Variants in KIRREL3 observed in about 807,000 individuals in gnomAD.
The protein encoded by KIRREL3 is kin of IRRE-like protein 3.
In KIRREL3, 36 loss-of-function variants were observed where a neutral mutation model predicts 89.7. The ratio of observed to expected loss-of-function variants is 0.40; its 90% CI spans 0.31 to 0.53. The LOEUF is 0.53. KIRREL3 is among the 20% of genes least tolerant of loss of function. The pLI, the probability that KIRREL3 is intolerant of heterozygous loss-of-function variation, is 0.49. For missense variants in KIRREL3, 864 were observed against 1,056.6 expected, an observed-to-expected ratio of 0.82 and a Z score of 2.53; for synonymous variants, 445 against 441.4, an observed-to-expected ratio of 1.01 and a Z score of -0.10.
rs141740144 is a variant in KIRREL3, at chr11:126,666,821, T to C, written c.56-103909A>G. Among the ~76,000 whole-genome samples the C allele has an allele frequency of 2.5e-3, 387 of 152,346 alleles. 4 individuals carry two copies. Among genetic ancestry groups the C allele is most frequent in the African/African-American group, 8.8e-3 (365 of 41,584 alleles). ...GTCACTGAGTTTCTCTGTTGATCAA[T>C]CACCATTGCTGGTACAGGTATATTC... is the stretch of plus-strand genomic sequence containing the variant. On this transcript the variant is annotated intron_variant, in intron 1 of 16. Transcript: ENST00000525144. The surrounding 1 kb of genome is among the most constrained non-coding windows in gnomAD (Gnocchi z 4.2).
rs976643967 is a variant in KIRREL3 at position 126,541,674 on chromosome 11, C to G, written c.134-14987G>C. Reference sequence around the variant, plus strand: ...CTGGGATAGTGGCTCTGAGCTGGGTCAAGGAATCTGCATTTTAATAGCTTC... The same window carrying G: ...CTGGGATAGTGGCTCTGAGCTGGGTGAAGGAATCTGCATTTTAATAGCTTC... On this transcript the variant is annotated intron_variant, in intron 2 of 16. Coordinates refer to ENST00000525144, the MANE Select transcript of KIRREL3 (RefSeq NM_032531.4). This position sits in a 1 kb window ranked among gnomAD's most constrained non-coding sequence, Gnocchi z 4.8. Among the ~76,000 whole-genome samples, 1 of 152,172 alleles carries G rather than the reference C, an allele frequency of 6.6e-6. No homozygotes were observed. Among genetic ancestry groups the G allele is most frequent in the African/African-American group, 2.4e-5 (1 of 41,438 alleles).
intron 1 of KIRREL3, among the ~76,000 whole-genome samples, chr11:126,850,522 C>T (rs1944306206): frequency 6.6e-6 from 1 of 152,188 alleles, no homozygotes; most frequent in African/African-American, 2.4e-5. Context: ...CTCCTCTATC[C>T]AAACTGCTGC....
chr11:126,585,870 A>C (rs1275350421), intron 1 of KIRREL3, among the ~76,000 whole-genome samples: 1 of 152,248 alleles, frequency 6.6e-6, no homozygotes, highest in East Asian at 1.9e-4. Flanking sequence ...CCCGCACGGA[A>C]CGTGATTGGA....
chr11:126,711,963 C>T (rs1191763085), intron 1 of KIRREL3, among the ~76,000 whole-genome samples: 1 of 152,222 alleles, frequency 6.6e-6, no homozygotes, highest in Non-Finnish European at 1.5e-5. Flanking sequence ...GGAAACGCCT[C>T]CTCTGGGGTC....
In KIRREL3 at chr11:126,427,859, GAGCAATGATGAGGCCTGA is replaced by G. The variant is rs1400706001; in HGVS notation, c.1806+1302_1806+1319del. Among the ~76,000 whole-genome samples, 5 of 152,216 alleles carry G rather than the reference GAGCAATGATGAGGCCTGA, an allele frequency of 3.3e-5. No individual in the cohort carries two copies. Among genetic ancestry groups the G allele is most frequent in the African/African-American group, 9.6e-5 (4 of 41,454 alleles). ...GGGAGGCTGCTGTAATCATCCAGGG[GAGCAATGATGAGGCCTGA>G]AGTAAAGAAGTGATGGTGGAGGACA... On this transcript the variant is annotated intron_variant, in intron 15 of 16. Coordinates refer to ENST00000525144, the MANE Select transcript of KIRREL3 (RefSeq NM_032531.4). This position sits in a 1 kb window ranked among gnomAD's most constrained non-coding sequence, Gnocchi z 5.3.
rs896495649 is a variant in KIRREL3, at chr11:126,441,947, T to A, written c.1253-1398A>T. ...TTTTAGGAACCGGATGGTGCTTTGT[T>A]TTATTGCTGGACTAAAACGTGATGA... On this transcript the variant is annotated intron_variant, in intron 10 of 16. Transcript: ENST00000525144. This position sits in a 1 kb window ranked among gnomAD's most constrained non-coding sequence, Gnocchi z 5.0. Among the ~76,000 whole-genome samples the A allele has an allele frequency of 9.2e-5, 14 of 152,162 alleles. No individual in the cohort carries two copies. Among genetic ancestry groups the A allele is most frequent in the Non-Finnish European group, 1.8e-4 (12 of 67,988 alleles).
chr11:126,806,576 C>T (rs555914063), intron 1 of KIRREL3, among the ~76,000 whole-genome samples: 1 of 152,284 alleles, frequency 6.6e-6, no homozygotes, highest in East Asian at 1.9e-4. Flanking sequence ...CCTAGTTGGA[C>T]CATGTGTTGG....
chr11:126,745,546 A>G (rs750400451), intron 1 of KIRREL3, among the ~76,000 whole-genome samples: 5 of 152,144 alleles, frequency 3.3e-5, no homozygotes, highest in Non-Finnish European at 7.4e-5. Context: ...TGGTTGCATT[A>G]CTGTGAATAC....
In KIRREL3 at chr11:126,707,246, C is replaced by CT. The variant is rs33983436; in HGVS notation, c.56-144335dup. Among the ~76,000 whole-genome samples, 162 of 112,560 alleles carry CT rather than the reference C, an allele frequency of 1.4e-3. 1 individual carries two copies. The highest frequency in any genetic ancestry group is 3.4e-3 in the African/African-American group (105 of 30,884). 73.8% of individuals were successfully genotyped at this position (112,560 alleles called of 152,430 possible). Reference sequence around the variant, plus strand: ...CAGACATAAGACACCTTGTCCATGGCTTTTTTTTTTTTTTTTTTGGCTTTT... The same window carrying CT: ...CAGACATAAGACACCTTGTCCATGGCTTTTTTTTTTTTTTTTTTTGGCTTTT... On this transcript the variant is annotated intron_variant, in intron 1 of 16. Coordinates refer to ENST00000525144, the MANE Select transcript of KIRREL3 (RefSeq NM_032531.4).
At chr11:126,658,074 C>T (rs1209829884) in intron 1 of KIRREL3, among the ~76,000 whole-genome samples, 1 of 152,184 alleles carries the variant, frequency 6.6e-6, no homozygotes, top group African/African-American at 2.4e-5. Flanking sequence ...TCGAGTTAGC[C>T]CCTCCTTCTC....
Position 126,561,834 on chromosome 11 carries a change from A to C in KIRREL3, c.133+1001T>G, listed in dbSNP as rs999110813. 1.3e-5 allele frequency among the ~76,000 whole-genome samples: 2 copies of C among 152,172 alleles called. No homozygotes were observed. The highest frequency in any genetic ancestry group is 1.5e-5 in the Non-Finnish European group (1 of 68,018). The stretch of plus-strand genomic sequence containing the variant: ...GCAAAGTCTCAGGCATGGGGAGCGC[A>C]TGGGGATGTGGTTGTCGTGGTCGGG... On this transcript the variant is annotated intron_variant, in intron 2 of 16. Coordinates refer to ENST00000525144, the MANE Select transcript of KIRREL3 (RefSeq NM_032531.4). The surrounding 1 kb of genome is among the most constrained non-coding windows in gnomAD (Gnocchi z 4.5).
chr11:126,735,357 A>T lies in KIRREL3; in HGVS notation c.56-172445T>A, dbSNP rs1948766782. ...CCCAGGTAAGCATCTCTGGGATCCTAGAACAACAGAGACCATTGCATGACC... is the reference window on the plus strand; with the variant it reads ...CCCAGGTAAGCATCTCTGGGATCCTTGAACAACAGAGACCATTGCATGACC... On this transcript the variant is annotated intron_variant, in intron 1 of 16. Coordinates refer to ENST00000525144, the MANE Select transcript of KIRREL3 (RefSeq NM_032531.4). Among the ~76,000 whole-genome samples, 4 of 152,332 alleles carry T rather than the reference A, an allele frequency of 2.6e-5. No homozygotes were observed. The South Asian group carries it at 8.3e-4, about 32-fold the overall frequency.
rs530943747 is a variant in KIRREL3 at position 126,456,286 on chromosome 11, A to C, written c.848+63T>G. The C allele has an allele frequency of 2.6e-5, 29 of 1,106,690 alleles. No individual in the cohort carries two copies. In the African/African-American group the frequency reaches 4.4e-4, roughly 17 times the overall value. 68.6% of individuals were successfully genotyped at this position (1,106,690 alleles called of 1,614,324 possible). ...TGCTGAGGACCCTAAGTGACATCCC[A>C]CGTGAGAGGCACGGGGGTGGGGGCC... On this transcript the variant is annotated intron_variant, in intron 7 of 16. Coordinates refer to ENST00000525144, the MANE Select transcript of KIRREL3 (RefSeq NM_032531.4).
rs773155533 is a variant in KIRREL3 at position 126,431,501 on chromosome 11, A to G, written c.1614T>C (p.Ile538=). The G allele has an allele frequency of 6.2e-7, 1 of 1,613,958 alleles. No individual in the cohort carries two copies. Among genetic ancestry groups the G allele is most frequent in the Admixed American group, 1.7e-5 (1 of 60,028 alleles). The stretch of plus-strand genomic sequence containing the variant: ...CCACACCAGCTCCTACGGCCACCCC[A>G]ATGATGACGGCCATCGGCACAGACT... ...EAESVPMAVI[I]GVAVGAGVAF... The change falls in exon 14 of 17, where the codon ATT becomes ATC. Residue 538 remains isoleucine (I), a synonymous_variant. Coordinates refer to ENST00000525144, the MANE Select transcript of KIRREL3 (RefSeq NM_032531.4). The surrounding 1 kb of genome is among the most constrained non-coding windows in gnomAD (Gnocchi z 7.1).
At chr11:126,914,210 C>T (rs1194863531) in intron 1 of KIRREL3, among the ~76,000 whole-genome samples, 2 of 152,080 alleles carry the variant, frequency 1.3e-5, no homozygotes, top group African/African-American at 2.4e-5. Context: ...GGAAAGGGCA[C>T]GTGGAGTAGG....
At chr11:126,467,589 C>T (rs1022760996) in intron 5 of KIRREL3, among the ~76,000 whole-genome samples, 2 of 151,814 alleles carry the variant, frequency 1.3e-5, no homozygotes, top group African/African-American at 2.4e-5. Flanking sequence ...AAGGCCGCCT[C>T]GCTTCTCCCC....
At position 126,676,888 on chromosome 11, in the gene KIRREL3, G is replaced by A. The variant is rs574785829; in HGVS notation, c.56-113976C>T. Among the ~76,000 whole-genome samples the A allele has an allele frequency of 9.9e-5, 15 of 151,780 alleles. No homozygotes were observed. The highest frequency in any genetic ancestry group is 1.3e-4 in the Non-Finnish European group (9 of 67,956). On this transcript the variant is annotated intron_variant, in intron 1 of 16. Coordinates refer to ENST00000525144, the MANE Select transcript of KIRREL3 (RefSeq NM_032531.4). This position sits in a 1 kb window ranked among gnomAD's most constrained non-coding sequence, Gnocchi z 4.5. ...CAGCCTCGATCTCCCAGGCTCAAGC[G>A]GTCGTCCTGCCTAAACCTCCCGAGT...
intron 1 of KIRREL3, among the ~76,000 whole-genome samples, chr11:126,717,752 T>C (rs1948022042): frequency 6.6e-6 from 1 of 152,234 alleles, no homozygotes; most frequent in Non-Finnish European, 1.5e-5. Context: ...AATAGCAAAA[T>C]TATTTTCTGC....
chr11:126,980,570 A>G (rs1002212140), intron 1 of KIRREL3, among the ~76,000 whole-genome samples: 4 of 152,218 alleles, frequency 2.6e-5, no homozygotes, highest in Admixed American at 2.0e-4. Context: ...GTGCTATAAT[A>G]GTTTTGGAGA....
Sources: gnomAD v4.1 joint callset for allele counts (sites outside exome capture counted in the v4.1 genomes callset) on GRCh38, gnomAD v4.1.1 for gene constraint, Gnocchi (gnomAD v3.1) non-coding constraint, MANE v1.5 for transcripts, NCBI Gene and HGNC (gene_info 2026-07-23, HGNC 2026-07-21) for gene names.